The following TPGS1 variants were observed in gnomAD, a reference collection of about 807,000 sequenced individuals.
TPGS1 encodes the protein tubulin polyglutamylase complex subunit 1.
In TPGS1, 18 loss-of-function variants were observed where a neutral mutation model predicts 11.9. The ratio of observed to expected loss-of-function variants is 1.51; its 90% CI spans 1.04 to 2.24. TPGS1 has a LOEUF of 2.24. TPGS1 is among the 30% of genes most tolerant of loss of function. TPGS1 has a pLI of 0.00. For synonymous variants in TPGS1, 247 were observed against 218.2 expected (o/e 1.13, Z -1.16); for missense variants, 500 against 443.0 (o/e 1.13, Z -1.16).
chr19:519,039 G>A lies in TPGS1; in HGVS notation c.489G>A (p.Pro163=). The change falls in exon 2 of 2, where the codon CCG becomes CCA. Residue 163 remains proline (P), a synonymous_variant. Coordinates refer to ENST00000359315, the MANE Select transcript of TPGS1 (RefSeq NM_033513.3). ...AAGCCCCCGAGGAGGTGGTGGCGCC[G>A]CTGCTGCGCAAGGTGCAGTGCCGTG... ...DGQAPEEVVA[P]LLRKVQCRDH... is the part of the protein sequence containing the mutation. The A allele has an allele frequency of 6.4e-7, 1 of 1,551,838 alleles. No individual in the cohort carries two copies. Among genetic ancestry groups the A allele is most frequent in the Non-Finnish European group, 8.7e-7 (1 of 1,155,078 alleles).
At position 519,218 on chromosome 19, in the gene TPGS1, A is replaced by T; in HGVS notation, c.668A>T (p.Asp223Val). The T allele has an allele frequency of 7.0e-7, 1 of 1,418,782 alleles. No individual in the cohort carries two copies. The highest frequency in any genetic ancestry group is 1.5e-5 in the South Asian group (1 of 67,700). The allele number at this position is 1,418,782 out of a possible 1,614,324, so 87.9% of individuals were successfully genotyped here. The change falls in exon 2 of 2, where the codon GAC becomes GTC. Residue 223 changes from aspartate (D) to valine (V), a missense_variant. By Grantham distance (152) the Asp-to-Val change is radical (BLOSUM62 -3). Coordinates refer to ENST00000359315, the MANE Select transcript of TPGS1 (RefSeq NM_033513.3). ...ADRRVGQAVL[D>V]TLEGALQASD... Reference sequence around the variant, plus strand: ...CGCCGCGTGGGCCAGGCCGTGCTGGACACCCTGGAGGGCGCGCTGCAGGCC... The same window carrying T: ...CGCCGCGTGGGCCAGGCCGTGCTGGTCACCCTGGAGGGCGCGCTGCAGGCC...
Position 519,422 on chromosome 19 carries a change from G to A in TPGS1, c.872G>A (p.Ter291=). 9.1e-6 allele frequency: 11 copies of A among 1,215,032 alleles called. No homozygotes were observed. The highest frequency in any genetic ancestry group is 1.1e-5 in the Non-Finnish European group (11 of 975,732). 75.3% of individuals were successfully genotyped at this position (1,215,032 alleles called of 1,614,324 possible). A position where few individuals can be genotyped will look rare whatever the true frequency, so the allele number is the denominator to read the frequency against. ...ATCGCGAAGGTCAAGCCGGTGGGCTGAGGCCCGTGGGCCGCGCGGATCCGG... is the reference window on the plus strand; with the variant it reads ...ATCGCGAAGGTCAAGCCGGTGGGCTAAGGCCCGTGGGCCGCGCGGATCCGG... ...LFIAKVKPVG[*] is the part of the protein sequence containing the mutation. Residue 291 remains the stop codon, a stop_retained_variant, in exon 2 of 2, where the codon TGA becomes TAA. Transcript: ENST00000359315.
At chr19:509,813 G>A (rs1312770602) in intron 1 of TPGS1, 2 of 152,354 alleles carry the variant, frequency 1.3e-5, no homozygotes, top group Non-Finnish European at 1.5e-5. Flanking sequence ...GGACAGGAGT[G>A]GAGCCATTGG....
At chr19:518,831 G>C in intron 1 of TPGS1, 58 bp from the exon 2 acceptor site, 1 of 1,446,444 alleles carries the variant, frequency 6.9e-7, no homozygotes, top group Non-Finnish European at 9.0e-7. Context: ...GAGGAGGGGA[G>C]GCTGGGGCTG....
In TPGS1 at chr19:519,435, C is replaced by A; in HGVS notation, c.*12C>A. ...AGCCGGTGGGCTGAGGCCCGTGGGC[C>A]GCGCGGATCCGGGATCTGCGCTGGG... On this transcript the variant is annotated 3_prime_UTR_variant, in exon 2 of 2. Coordinates refer to ENST00000359315, the MANE Select transcript of TPGS1 (RefSeq NM_033513.3). 1 of 1,206,190 alleles carries A rather than the reference C, an allele frequency of 8.3e-7. No homozygotes were observed. Among genetic ancestry groups the A allele is most frequent in the South Asian group, 3.7e-5 (1 of 26,930 alleles). The allele number at this position is 1,206,190 out of a possible 1,614,324, so 74.7% of individuals were successfully genotyped here.
At chr19:514,406 G>A (rs905912819) in intron 1 of TPGS1, among the ~76,000 whole-genome samples, 1 of 151,610 alleles carries the variant, frequency 6.6e-6, no homozygotes, top group Non-Finnish European at 1.5e-5. Flanking sequence ...CAGCATTACT[G>A]AGTACCTATT....
chr19:518,995 C>T lies in TPGS1; in HGVS notation c.445C>T (p.Arg149Cys). 1.3e-6 allele frequency: 2 copies of T among 1,577,604 alleles called. No homozygotes were observed. The highest frequency in any genetic ancestry group is 8.6e-7 in the Non-Finnish European group (1 of 1,169,364). ...DGRTYSELLR[R>C]ICRDGQAPEE... ...GCGCACCTACAGCGAGCTGCTCAGG[C>T]GCATCTGCCGGGACGGCCAAGCCCC... The change falls in exon 2 of 2, where the codon CGC (arginine) becomes TGC (cysteine). Residue 149 changes from arginine to cysteine, a missense_variant. Transcript: ENST00000359315.
At chr19:518,151 G>A (rs118195806) in intron 1 of TPGS1, among the ~76,000 whole-genome samples, 1 of 115,888 alleles carries the variant, frequency 8.6e-6, no homozygotes, top group African/African-American at 3.5e-5. Flanking sequence ...GGAGCTGGGA[G>A]GAGGGAGGCC....
chr19:508,255 A>T, intron 1 of TPGS1: 1 of 163,982 alleles, frequency 6.1e-6, no homozygotes, highest in Non-Finnish European at 1.3e-5. Flanking sequence ...CAGAACGTGA[A>T]TATTTACAGA....
chr19:512,788 A>G (rs1320260269), intron 1 of TPGS1, among the ~76,000 whole-genome samples: 2 of 152,324 alleles, frequency 1.3e-5, no homozygotes, highest in East Asian at 3.9e-4. Flanking sequence ...CTGCAGAAGC[A>G]ACGGACAGAG....
At chr19:516,850 C>T (rs1175431031) in intron 1 of TPGS1, among the ~76,000 whole-genome samples, 1 of 152,180 alleles carries the variant, frequency 6.6e-6, no homozygotes, top group Non-Finnish European at 1.5e-5. Flanking sequence ...AGAGAGAAGA[C>T]AGGCTGTTAA....
At chr19:515,022 T>C (rs1330209763) in intron 1 of TPGS1, among the ~76,000 whole-genome samples, 1 of 152,162 alleles carries the variant, frequency 6.6e-6, no homozygotes, top group Non-Finnish European at 1.5e-5. Flanking sequence ...CTGACAGCCT[T>C]CTTCTGTAAG....
intron 1 of TPGS1, among the ~76,000 whole-genome samples, chr19:513,718 C>G (rs111677438): frequency 7.6e-6 from 1 of 131,308 alleles, no homozygotes; most frequent in African/African-American, 2.6e-5. Context: ...TACTGAGTAC[C>G]TACTGCACAC....
chr19:513,384 C>G (rs1318456291), intron 1 of TPGS1, among the ~76,000 whole-genome samples: 1 of 152,146 alleles, frequency 6.6e-6, no homozygotes, highest in Non-Finnish European at 1.5e-5. Flanking sequence ...AATTGCAGGT[C>G]GCTGCCCTCC....
Position 507,521 on chromosome 19 carries a change from G to A in TPGS1, c.15G>A (p.Glu5=), listed in dbSNP as rs753732173. Reference sequence around the variant, plus strand: ...CCTCAGCGAAGATGGCGGCAGTGGAGAAGCGGCGGCAAGCGGTACCACCGC... The same window carrying A: ...CCTCAGCGAAGATGGCGGCAGTGGAAAAGCGGCGGCAAGCGGTACCACCGC... MAAV[E]KRRQAVPPPA... is the part of the protein sequence containing the mutation. Residue 5 remains glutamate (E), a synonymous_variant, in exon 1 of 2, where the codon GAG becomes GAA. Transcript: ENST00000359315. 4 of 1,422,392 alleles carry A rather than the reference G, an allele frequency of 2.8e-6. No individual in the cohort carries two copies. The highest frequency in any genetic ancestry group is 5.6e-5 in the East Asian group (2 of 35,460). 88.1% of individuals were successfully genotyped at this position (1,422,392 alleles called of 1,614,324 possible).
chr19:517,294 C>T (rs78148683), intron 1 of TPGS1, among the ~76,000 whole-genome samples: 7,516 of 140,176 alleles, frequency 0.054, 259 homozygotes, highest in South Asian at 0.095. Flanking sequence ...GTGTCACGGC[C>T]CTTGCAGAGG....
chr19:519,066 C>A lies in TPGS1; in HGVS notation c.516C>A (p.Asp172Glu), dbSNP rs1040487042. Residue 172 changes from aspartate (D) to glutamate (E), a missense_variant, in exon 2 of 2, where the codon GAC becomes GAA. Transcript: ENST00000359315. ...TGCTGCGCAAGGTGCAGTGCCGTGA[C>A]CACGAGGCGGTGCCGCTGAGCGTCT... ...APLLRKVQCR[D>E]HEAVPLSVFR... 5.2e-6 allele frequency: 8 copies of A among 1,537,372 alleles called. No homozygotes were observed. The Admixed American group carries it at 1.2e-4, about 22-fold the overall frequency.
intron 1 of TPGS1, among the ~76,000 whole-genome samples, chr19:514,388 C>T (rs1044624179): frequency 5.3e-5 from 8 of 152,094 alleles, no homozygotes; most frequent in Admixed American, 5.2e-4. Flanking sequence ...ACCCACTGCA[C>T]ACCGCCCCAG....
Position 507,753 on chromosome 19 carries a change from G to T in TPGS1, c.247G>T (p.Gly83Cys). 1 of 1,397,678 alleles carries T rather than the reference G, an allele frequency of 7.2e-7. No homozygotes were observed. The highest frequency in any genetic ancestry group is 9.3e-7 in the Non-Finnish European group (1 of 1,076,696). The allele number at this position is 1,397,678 out of a possible 1,614,324, so 86.6% of individuals were successfully genotyped here. ...GGGCCTGCGCTCGCCTGTAAACGGC[G>T]GCGCCGGGGAGCCCCCGGGCCAGCT... is the stretch of plus-strand genomic sequence containing the variant. Reference protein sequence around the residue: ...NMGLRSPVNGGAGEPPGQLLL... With the variant: ...NMGLRSPVNGCAGEPPGQLLL... The change falls in exon 1 of 2, where the codon GGC becomes TGC. Residue 83 changes from glycine to cysteine, a missense_variant. Transcript: ENST00000359315.
Sources: gnomAD v4.1 joint callset for allele counts (sites outside exome capture counted in the v4.1 genomes callset) on GRCh38, gnomAD v4.1.1 for gene constraint, MANE v1.5 for transcripts, NCBI Gene and HGNC (gene_info 2026-07-23, HGNC 2026-07-21) for gene names.